The following SNX29 variants were observed in gnomAD, a reference collection of about 807,000 sequenced individuals.
SNX29 encodes the protein sorting nexin 29.
SNX29 carries 78 observed loss-of-function variants against 102.1 expected under a neutral mutation model. That is an observed-to-expected ratio of 0.76 (90% CI 0.64 to 0.92). The LOEUF (loss-of-function observed/expected upper bound fraction) is 0.92, where lower values mean the gene tolerates loss of function less well. Ranked by LOEUF, SNX29 falls within the 40% of genes least tolerant of loss-of-function variation. The pLI is 0.00. For synonymous variants in SNX29, 580 were observed against 414.5 expected (o/e 1.40, Z -4.85); for missense variants, 1,280 against 1,061.7 (o/e 1.21, Z -2.86).
chr16:12,001,425 T>C (rs1179301045), intron 2 of SNX29, among the ~76,000 whole-genome samples: 1 of 151,972 alleles, frequency 6.6e-6, no homozygotes. Context: ...CTGTTATTAT[T>C]ATCATTATTA....
chr16:12,095,809 G>A (rs1246704847), intron 11 of SNX29, among the ~76,000 whole-genome samples: 1 of 152,184 alleles, frequency 6.6e-6, no homozygotes, highest in Non-Finnish European at 1.5e-5. Flanking sequence ...GCTTTTGATT[G>A]TGAGCCAGGG....
At position 12,555,582 on chromosome 16, in the gene SNX29, C is replaced by G. The variant is rs565992573; in HGVS notation, c.2319-12924C>G. Among the ~76,000 whole-genome samples, 35 of 152,028 alleles carry G rather than the reference C, an allele frequency of 2.3e-4. No individual in the cohort carries two copies. In the South Asian group the frequency reaches 4.1e-3, roughly 18 times the overall value. On this transcript the variant is annotated intron_variant, in intron 20 of 20. Coordinates refer to ENST00000566228, the MANE Select transcript of SNX29 (RefSeq NM_032167.5). ...GCACCCTCATCTCTCACCTCCATTTCTCCCTGTACCCAGCAGCTGCCCTTA... is the reference window on the plus strand; with the variant it reads ...GCACCCTCATCTCTCACCTCCATTTGTCCCTGTACCCAGCAGCTGCCCTTA...
chr16:12,512,044 C>A (rs2089644049), intron 19 of SNX29, among the ~76,000 whole-genome samples: 1 of 151,804 alleles, frequency 6.6e-6, no homozygotes, highest in African/African-American at 2.4e-5. Flanking sequence ...CCCTGGAGGG[C>A]CTTGCAGCGG....
At chr16:12,141,435 T>C (rs2054865532) in intron 13 of SNX29, among the ~76,000 whole-genome samples, 1 of 152,212 alleles carries the variant, frequency 6.6e-6, no homozygotes, top group Non-Finnish European at 1.5e-5. Flanking sequence ...TCAGGGCAAG[T>C]GCTTAAAGTG....
chr16:12,117,219 A>G (rs1704113), intron 11 of SNX29, among the ~76,000 whole-genome samples: 8,591 of 99,876 alleles, frequency 0.086, 525 homozygotes, highest in African/African-American at 0.2. Context: ...GGAAACAGGC[A>G]TGGTCAATAC....
chr16:12,158,891 C>G (rs1956884845), intron 13 of SNX29, among the ~76,000 whole-genome samples: 1 of 152,156 alleles, frequency 6.6e-6, no homozygotes, highest in Admixed American at 6.5e-5. Flanking sequence ...TAGTTAGTGC[C>G]CAGTAAATTG....
intron 4 of SNX29, among the ~76,000 whole-genome samples, chr16:12,041,581 T>C (rs1010582341): frequency 5.3e-5 from 8 of 152,364 alleles, no homozygotes; most frequent in African/African-American, 9.6e-5. Flanking sequence ...GCTTCAGGGC[T>C]GAATCCGTTT....
At position 12,356,237 on chromosome 16, in the gene SNX29, C is replaced by A. The variant is rs373529545; in HGVS notation, c.1857C>A (p.Leu619=). Residue 619 remains leucine, a synonymous_variant, in exon 16 of 21, where the codon CTC becomes CTA. Transcript: ENST00000566228. ...GGGCCCTGGTAGCCAAGGAAGCCCT[C>A]GTGTCCCAGATGAGGCAGGAGCTCA... ...LHRALVAKEA[L]VSQMRQELID... 2.2e-5 allele frequency: 36 copies of A among 1,612,578 alleles called. No individual in the cohort carries two copies. In the Middle Eastern group the frequency reaches 6.6e-4, roughly 29 times the overall value.
chr16:12,565,533 C>CCACATGGCCTT (rs1567216973), intron 20 of SNX29, among the ~76,000 whole-genome samples: 26 of 152,258 alleles, frequency 1.7e-4, no homozygotes, highest in African/African-American at 6.0e-4. Flanking sequence ...CACATGGCCT[C>CCACATGGCCTT]GAGGATTGAA....
chr16:12,529,117 T>C (rs2076864389), intron 20 of SNX29, among the ~76,000 whole-genome samples: 1 of 152,218 alleles, frequency 6.6e-6, no homozygotes, highest in African/African-American at 2.4e-5. Context: ...CCTCCCAGTC[T>C]CTGTGCCTCC....
intron 14 of SNX29, among the ~76,000 whole-genome samples, chr16:12,263,347 C>T (rs2078836158): frequency 6.6e-6 from 1 of 152,142 alleles, no homozygotes. Context: ...AGGCTAGTCT[C>T]AAACTCCTGA....
intron 18 of SNX29, among the ~76,000 whole-genome samples, chr16:12,421,924 TCATCATCCGTC>T (rs150570088): frequency 0.078 from 5,783 of 74,406 alleles, 217 homozygotes; most frequent in African/African-American, 0.1. Flanking sequence ...TCCATCACCA[TCATCATCCGTC>T]CATCATCCAT....
At chr16:12,166,097 C>T (rs866621031) in intron 13 of SNX29, among the ~76,000 whole-genome samples, 4 of 152,128 alleles carry the variant, frequency 2.6e-5, no homozygotes, top group African/African-American at 7.2e-5. Flanking sequence ...TAGTCATTGC[C>T]GTTATCGTAA....
At chr16:12,243,364 C>T (rs1403861772) in intron 14 of SNX29, among the ~76,000 whole-genome samples, 2 of 152,238 alleles carry the variant, frequency 1.3e-5, no homozygotes, top group Non-Finnish European at 2.9e-5. Context: ...TTTTGTTCTG[C>T]TGCCCTGCCA....
At chr16:12,195,262 C>T (rs1369417980) in intron 13 of SNX29, among the ~76,000 whole-genome samples, 2 of 152,182 alleles carry the variant, frequency 1.3e-5, no homozygotes, top group Admixed American at 6.5e-5. Flanking sequence ...GGAGGATGCA[C>T]CATAACTTTC....
At chr16:12,028,970 A>G (rs1418862099) in intron 4 of SNX29, among the ~76,000 whole-genome samples, 1 of 151,778 alleles carries the variant, frequency 6.6e-6, no homozygotes, top group Non-Finnish European at 1.5e-5. Flanking sequence ...CTGGTCTCGA[A>G]CTCCTGACCT....
At chr16:12,379,605 A>G (rs1424165509) in intron 16 of SNX29, among the ~76,000 whole-genome samples, 1 of 152,238 alleles carries the variant, frequency 6.6e-6, no homozygotes, top group Non-Finnish European at 1.5e-5. Context: ...TTGGGGAAGC[A>G]GTGATAAAGG....
chr16:12,476,062 T>C (rs1052352565), intron 18 of SNX29, among the ~76,000 whole-genome samples: 3 of 152,026 alleles, frequency 2.0e-5, no homozygotes, highest in African/African-American at 7.2e-5. Context: ...GGGTCACGCC[T>C]ATAATCCCAG....
At chr16:12,207,385 A>G (rs148234188) in intron 14 of SNX29, among the ~76,000 whole-genome samples, 1 of 152,130 alleles carries the variant, frequency 6.6e-6, no homozygotes, top group Non-Finnish European at 1.5e-5. Context: ...AAATAAAATA[A>G]AAAACAAAAA....
Sources: gnomAD v4.1 joint callset for allele counts (sites outside exome capture counted in the v4.1 genomes callset) on GRCh38, gnomAD v4.1.1 for gene constraint, MANE v1.5 for transcripts, NCBI Gene and HGNC (gene_info 2026-07-23, HGNC 2026-07-21) for gene names.